CRYZ: variants seen among roughly 807,000 people sequenced by gnomAD.
CRYZ encodes zeta-crystallin.
CRYZ carries 35 observed loss-of-function variants against 34.1 expected under a neutral mutation model. That is an observed-to-expected ratio of 1.03 (90% CI 0.78 to 1.36). The LOEUF (loss-of-function observed/expected upper bound fraction) is 1.36, where lower values mean the gene tolerates loss of function less well. Among genes scored for constraint, CRYZ ranks in the 40% most tolerant of loss-of-function variants. CRYZ has a pLI of 0.00. For missense variants in CRYZ, 403 were observed against 391.8 expected (o/e 1.03, Z -0.24); for synonymous variants, 137 against 136.5 (o/e 1.00, Z -0.03).
At chr1:74,710,069 G>T in intron 6 of CRYZ, 29 bp downstream of exon 6, 2 of 1,596,010 alleles carry the variant, frequency 1.3e-6, no homozygotes, top group South Asian at 1.1e-5. Context: ...AACAAAGTTT[G>T]ACTTTTGTAA....
intron 3 of CRYZ, 144 bp from the exon 4 acceptor site, chr1:74,719,516 G>C: frequency 4.5e-6 from 3 of 660,002 alleles, no homozygotes; most frequent in Non-Finnish European, 7.0e-6. Context: ...TTTTTTTTGA[G>C]ACAGAGTCTT....
chr1:74,733,044 G>A lies in CRYZ; in HGVS notation c.-102C>T. 1 of 681,468 alleles carries A rather than the reference G, an allele frequency of 1.5e-6. No homozygotes were observed. The highest frequency in any genetic ancestry group is 2.4e-6 in the Non-Finnish European group (1 of 424,128). The allele number at this position is 681,468 out of a possible 1,614,324, so 42.2% of individuals were successfully genotyped here. A position where few individuals can be genotyped will look rare whatever the true frequency, so the allele number is the denominator to read the frequency against. On this transcript the variant is annotated 5_prime_UTR_variant, in exon 1 of 9. Transcript: ENST00000340866. ...GCCACACCTTCTCCAACTTTTGCAG[G>A]CTCCACCCAGGATGTGCGCCTCGCT...
intron 1 of CRYZ, chr1:74,730,281 A>C (rs1034098599): frequency 2.6e-5 from 4 of 152,196 alleles, no homozygotes; most frequent in Non-Finnish European, 4.4e-5. Flanking sequence ...TGGCCTGACC[A>C]CACTATCTCC....
chr1:74,706,800 A>ATAG, intron 8 of CRYZ, 99 bp downstream of exon 8: 1 of 970,526 alleles, frequency 1.0e-6, no homozygotes, highest in Non-Finnish European at 1.6e-6. Flanking sequence ...CACTAGTCAT[A>ATAG]TAACTAAGTT....
At chr1:74,724,304 T>C (rs1647227010) in intron 2 of CRYZ, among the ~76,000 whole-genome samples, 1 of 152,202 alleles carries the variant, frequency 6.6e-6, no homozygotes. Context: ...TGGAGATGAT[T>C]AAACTATATA....
intron 1 of CRYZ, 54 bp from the exon 2 acceptor site, chr1:74,724,888 T>C (rs1165780196): frequency 6.6e-6 from 7 of 1,067,214 alleles, no homozygotes; most frequent in East Asian, 2.4e-5. Flanking sequence ...GATATCACCA[T>C]GTTTTTCCCC....
In CRYZ at chr1:74,707,092, G is replaced by T; in HGVS notation, c.732+11C>A. On this transcript the variant is annotated intron_variant, in intron 7 of 8. Transcript: ENST00000340866. ...AGTGGTAAAAAAAAAAAAAAGAAAA[G>T]GAATACTTACTATCACTCGTCCTCC... The T allele has an allele frequency of 1.3e-6, 2 of 1,517,404 alleles. No homozygotes were observed. Among genetic ancestry groups the T allele is most frequent in the Non-Finnish European group, 1.8e-6 (2 of 1,112,572 alleles). The allele number at this position is 1,517,404 out of a possible 1,614,324, so 94.0% of individuals were successfully genotyped here. A position where few individuals can be genotyped will look rare whatever the true frequency, so the allele number is the denominator to read the frequency against.
intron 1 of CRYZ, among the ~76,000 whole-genome samples, chr1:74,730,132 C>T (rs1054700072): frequency 6.6e-6 from 1 of 152,082 alleles, no homozygotes; most frequent in East Asian, 1.9e-4. Context: ...TATCTTTCCC[C>T]CCCCACATTT....
chr1:74,717,099 T>C (rs1647087819), intron 4 of CRYZ, among the ~76,000 whole-genome samples: 1 of 152,198 alleles, frequency 6.6e-6, no homozygotes, highest in African/African-American at 2.4e-5. Flanking sequence ...ATCTTTACCC[T>C]TTCTAGGTTT....
At chr1:74,731,604 G>T (rs1647745133) in intron 1 of CRYZ, among the ~76,000 whole-genome samples, 1 of 152,158 alleles carries the variant, frequency 6.6e-6, no homozygotes, top group African/African-American at 2.4e-5. Flanking sequence ...GAGGGGAGGA[G>T]TTTAATAATT....
chr1:74,730,982 A>T (rs990243065), intron 1 of CRYZ, among the ~76,000 whole-genome samples: 2 of 152,002 alleles, frequency 1.3e-5, no homozygotes, highest in African/African-American at 2.4e-5. Flanking sequence ...AAAATGTATA[A>T]AAAAAAATTA....
intron 3 of CRYZ, among the ~76,000 whole-genome samples, chr1:74,722,420 G>A (rs1647177992): frequency 6.6e-6 from 1 of 152,128 alleles, no homozygotes; most frequent in African/African-American, 2.4e-5. Flanking sequence ...AAGCCAGGTT[G>A]CCACAAGCTG....
At chr1:74,712,515 A>T (rs1206110153) in intron 5 of CRYZ, among the ~76,000 whole-genome samples, 1 of 152,214 alleles carries the variant, frequency 6.6e-6, no homozygotes, top group Admixed American at 6.5e-5. Flanking sequence ...GCTGTAACAG[A>T]CTTCCAGGCC....
At chr1:74,715,506 C>G (rs2100705596) in intron 4 of CRYZ, among the ~76,000 whole-genome samples, 1 of 152,266 alleles carries the variant, frequency 6.6e-6, no homozygotes, top group East Asian at 1.9e-4. Flanking sequence ...GGAAAGAGAA[C>G]AGTAACCAGA....
intron 2 of CRYZ, among the ~76,000 whole-genome samples, chr1:74,723,728 G>A (rs563785006): frequency 1.4e-4 from 21 of 152,296 alleles, no homozygotes; most frequent in African/African-American, 5.1e-4. Flanking sequence ...CTTCTTCCAT[G>A]GAGACCCTGA....
At chr1:74,723,776 C>T (rs571602718) in intron 2 of CRYZ, among the ~76,000 whole-genome samples, 9 of 152,318 alleles carry the variant, frequency 5.9e-5, no homozygotes, top group Middle Eastern at 3.4e-3. Context: ...AAAGAAGAAG[C>T]TGAGTCCCTA....
chr1:74,726,163 G>A (rs1314455150), intron 1 of CRYZ, among the ~76,000 whole-genome samples: 2 of 152,222 alleles, frequency 1.3e-5, no homozygotes, highest in Non-Finnish European at 2.9e-5. Context: ...CCACCAGGCA[G>A]TGTCCCAGTA....
At chr1:74,721,611 G>C (rs1349697709) in intron 3 of CRYZ, among the ~76,000 whole-genome samples, 1 of 152,102 alleles carries the variant, frequency 6.6e-6, no homozygotes, top group African/African-American at 2.4e-5. Flanking sequence ...TAGTTAAGTA[G>C]GTAAGATAGC....
At chr1:74,722,639 G>T (rs746537357) in intron 3 of CRYZ, among the ~76,000 whole-genome samples, 6 of 151,796 alleles carry the variant, frequency 4.0e-5, no homozygotes, top group Admixed American at 6.6e-5. Context: ...TATATCCTGA[G>T]CATAACATTT....
Sources: allele counts gnomAD v4.1 joint callset (sites outside exome capture counted in the v4.1 genomes callset), GRCh38; gene constraint gnomAD v4.1.1; transcripts MANE v1.5; gene names NCBI Gene and HGNC (gene_info 2026-07-23, HGNC 2026-07-21).